The following NHEJ1 variants were observed in gnomAD, a reference collection of about 807,000 sequenced individuals.
NHEJ1 encodes the protein non-homologous end joining factor 1, also known as non-homologous end-joining factor 1.
In NHEJ1, 22 loss-of-function variants were observed where a neutral mutation model predicts 39.4. The observed-to-expected ratio is 0.56, with a 90% CI of 0.40 to 0.80. The LOEUF (loss-of-function observed/expected upper bound fraction) is 0.80, where lower values mean the gene tolerates loss of function less well. Among genes scored for constraint, NHEJ1 ranks in the 30% least tolerant of loss-of-function variants. The pLI is 0.00. For missense variants in NHEJ1, 329 were observed against 357.1 expected (o/e 0.92, Z 0.63); for synonymous variants, 154 against 135.6 (o/e 1.14, Z -0.94).
intron 3 of NHEJ1, among the ~76,000 whole-genome samples, chr2:219,157,119 G>A (rs1949861682): frequency 6.6e-6 from 1 of 152,112 alleles, no homozygotes; most frequent in Non-Finnish European, 1.5e-5. Context: ...CTACCTCAAA[G>A]AACCTATCAT....
At chr2:219,093,821 C>G (rs1949182801) in intron 5 of NHEJ1, among the ~76,000 whole-genome samples, 1 of 151,920 alleles carries the variant, frequency 6.6e-6, no homozygotes, top group Admixed American at 6.6e-5. Flanking sequence ...CAAATCAAAC[C>G]AAACACACAA....
intron 5 of NHEJ1, among the ~76,000 whole-genome samples, chr2:219,118,429 T>C (rs1163110462): frequency 1.3e-5 from 2 of 151,380 alleles, no homozygotes; most frequent in African/African-American, 2.4e-5. Flanking sequence ...GGAGACTGAG[T>C]GCTCCCCAGA....
At chr2:219,150,335 T>C (rs1273436468) in intron 3 of NHEJ1, among the ~76,000 whole-genome samples, 1 of 152,132 alleles carries the variant, frequency 6.6e-6, no homozygotes. Context: ...AGAAATAAAG[T>C]CCAGCTATAG....
chr2:219,070,225 C>T lies in NHEJ1; in HGVS notation c.*6156G>A, dbSNP rs1332655956. ...TTTTTGAGATGGAGTCTTGCTCTGT[C>T]GCCCAGGGTGGAGTGCAGTGGCACG... On this transcript the variant is annotated 3_prime_UTR_variant, in exon 8 of 8. Coordinates refer to ENST00000356853, the MANE Select transcript of NHEJ1 (RefSeq NM_024782.3). Among the ~76,000 whole-genome samples the T allele has an allele frequency of 1.3e-5, 2 of 152,084 alleles. No homozygotes were observed. Among genetic ancestry groups the T allele is most frequent in the South Asian group, 2.1e-4 (1 of 4,822 alleles).
chr2:219,151,361 G>T (rs900908282), intron 3 of NHEJ1, among the ~76,000 whole-genome samples: 8 of 152,132 alleles, frequency 5.3e-5, no homozygotes, highest in Non-Finnish European at 8.8e-5. Flanking sequence ...TTCCTCGAGT[G>T]ACAGTAAATA....
chr2:219,093,926 C>T (rs888280534), intron 5 of NHEJ1, among the ~76,000 whole-genome samples: 1 of 152,188 alleles, frequency 6.6e-6, no homozygotes, highest in Non-Finnish European at 1.5e-5. Context: ...TGTGTCAATG[C>T]CTGGTCCCAC....
intron 5 of NHEJ1, among the ~76,000 whole-genome samples, chr2:219,080,922 C>T (rs1574700463): frequency 6.6e-6 from 1 of 151,910 alleles, no homozygotes; most frequent in African/African-American, 2.4e-5. Flanking sequence ...GGTTAGAGGC[C>T]GAGCAGTCTG....
intron 5 of NHEJ1, among the ~76,000 whole-genome samples, chr2:219,081,340 T>C (rs1949065439): frequency 6.6e-6 from 1 of 152,124 alleles, no homozygotes; most frequent in African/African-American, 2.4e-5. Context: ...GGGAGAATGC[T>C]GGAGTCAGGA....
chr2:219,141,192 C>A (rs555477743), intron 5 of NHEJ1, among the ~76,000 whole-genome samples: 348 of 152,198 alleles, frequency 2.3e-3, no homozygotes, highest in Non-Finnish European at 3.6e-3. Context: ...CCAGCCTGGC[C>A]AACATGGTGA....
rs760109054 is a variant in NHEJ1 at position 219,157,544 on chromosome 2, T to C, written c.318A>G (p.Leu106=). 12 of 1,614,044 alleles carry C rather than the reference T, an allele frequency of 7.4e-6. No individual in the cohort carries two copies. The highest frequency in any genetic ancestry group is 1.3e-5 in the African/African-American group (1 of 74,914). Residue 106 remains leucine (L), a synonymous_variant, in exon 3 of 8, where the codon CTA becomes CTG. Coordinates refer to ENST00000356853, the MANE Select transcript of NHEJ1 (RefSeq NM_024782.3). ...GGCCAGAGAGCTCACTTCGCACCCG[T>C]AGAATCAGTGCATCTGCCACACAAT... The part of the protein sequence containing the change: ...SCDCVADALI[L]RVRSELSGLP...
intron 5 of NHEJ1, among the ~76,000 whole-genome samples, chr2:219,141,970 C>T (rs768980441): frequency 1.3e-5 from 2 of 152,152 alleles, no homozygotes; most frequent in East Asian, 1.9e-4. Context: ...GCTCTAGCTT[C>T]GTAAGAGCAG....
chr2:219,114,760 A>T (rs1949395335), intron 5 of NHEJ1, among the ~76,000 whole-genome samples: 2 of 152,146 alleles, frequency 1.3e-5, no homozygotes, highest in Non-Finnish European at 2.9e-5. Flanking sequence ...ATTTTATAAG[A>T]ACTATATCTG....
At chr2:219,127,918 G>T (rs1183706043) in intron 5 of NHEJ1, among the ~76,000 whole-genome samples, 6 of 152,150 alleles carry the variant, frequency 3.9e-5, no homozygotes, top group South Asian at 2.1e-4. Context: ...TAAACCTTTA[G>T]TCCAATCTTC....
chr2:219,078,132 G>A lies in NHEJ1; in HGVS notation c.663C>T (p.Val221=). 6.2e-7 allele frequency: 1 copy of A among 1,614,148 alleles called. No homozygotes were observed. The highest frequency in any genetic ancestry group is 8.5e-7 in the Non-Finnish European group (1 of 1,180,016). ...VMNLQDLYMA[V]TTQEVQVGQK... is the part of the protein sequence containing the mutation. ...GTCCCACTTGGACCTCTTGTGTGGT[G>A]ACTGCCATATACAGATCCTGCAGAT... Residue 221 remains valine (V), a synonymous_variant, in exon 6 of 8, where the codon GTC becomes GTT. Transcript: ENST00000356853.
At chr2:219,084,526 T>C (rs1232368540) in intron 5 of NHEJ1, among the ~76,000 whole-genome samples, 1 of 152,206 alleles carries the variant, frequency 6.6e-6, no homozygotes, top group Non-Finnish European at 1.5e-5. Context: ...CCTCGGTCTC[T>C]AGCAATGACT....
chr2:219,088,509 A>G (rs1949132192), intron 5 of NHEJ1, among the ~76,000 whole-genome samples: 1 of 152,186 alleles, frequency 6.6e-6, no homozygotes, highest in Non-Finnish European at 1.5e-5. Context: ...AGAAAAAAAA[A>G]AAATTAACAT....
At chr2:219,101,883 G>A (rs760459364) in intron 5 of NHEJ1, among the ~76,000 whole-genome samples, 3 of 151,840 alleles carry the variant, frequency 2.0e-5, no homozygotes, top group Non-Finnish European at 4.4e-5. Context: ...GTGCCACCAC[G>A]TCCAGCTAAT....
rs555902520 is a variant in NHEJ1, at chr2:219,148,672, C to T, written c.391-877G>A. Among the ~76,000 whole-genome samples, 18 of 152,180 alleles carry T rather than the reference C, an allele frequency of 1.2e-4. No homozygotes were observed. In the East Asian group the frequency reaches 3.3e-3, roughly 28 times the overall value. On this transcript the variant is annotated intron_variant, in intron 3 of 7. Coordinates refer to ENST00000356853, the MANE Select transcript of NHEJ1 (RefSeq NM_024782.3). ...ACACTAGCTAAAGTGTAACAGAAGA[C>T]AAAAATCAACAGAAGGTAAAGACCC...
intron 1 of NHEJ1, 93 bp from the exon 2 acceptor site, chr2:219,158,455 A>T: frequency 8.3e-7 from 1 of 1,198,846 alleles, no homozygotes. Flanking sequence ...CTAAAATCTC[A>T]TGAAAATCCT....
Sources: allele counts gnomAD v4.1 joint callset (sites outside exome capture counted in the v4.1 genomes callset), GRCh38; gene constraint gnomAD v4.1.1; transcripts MANE v1.5; gene names NCBI Gene and HGNC (gene_info 2026-07-23, HGNC 2026-07-21).